The following KIF7 variants were observed in gnomAD, a reference collection of about 807,000 sequenced individuals.
KIF7 encodes kinesin family member 7.
In KIF7, 104 loss-of-function variants were observed where a neutral mutation model predicts 135.7. The ratio of observed to expected loss-of-function variants is 0.77; its 90% CI spans 0.65 to 0.90. The LOEUF (loss-of-function observed/expected upper bound fraction) is 0.90. Ranked by LOEUF, KIF7 falls within the 40% of genes least tolerant of loss-of-function variation. KIF7 has a pLI of 0.00. For missense variants in KIF7, 2,005 were observed against 1,839.1 expected (o/e 1.09, Z -1.65); for synonymous variants, 883 against 809.4 (o/e 1.09, Z -1.54).
chr15:89,635,262 C>T (rs1031901036), intron 11 of KIF7, among the ~76,000 whole-genome samples: 6 of 152,198 alleles, frequency 3.9e-5, no homozygotes, highest in Non-Finnish European at 2.9e-5. Flanking sequence ...CTCTAAAAAG[C>T]GGAGCGCCTC....
At chr15:89,662,661 G>T in the KIF7 span, among the ~76,000 whole-genome samples, 1 of 152,170 alleles carries the variant, frequency 6.6e-6, no homozygotes, top group Non-Finnish European at 1.5e-5. Context: ...TGGGCAACCC[G>T]ATGTGAAGTG....
chr15:89,653,533 C>T (rs996849285), intron 1 of KIF7, among the ~76,000 whole-genome samples: 1 of 152,152 alleles, frequency 6.6e-6, no homozygotes, highest in African/African-American at 2.4e-5. Context: ...CAGCCTTCCC[C>T]CTGGCATCAG....
chr15:89,624,996 G>A (rs529212373), downstream of KIF7: 145 of 1,613,978 alleles, frequency 9.0e-5, no homozygotes, highest in Admixed American at 1.2e-4. Context: ...ATGAGGTTGA[G>A]CTGGAGATGC....
At chr15:89,626,162 C>G, downstream of KIF7, 1 of 1,432,150 alleles carries the variant, frequency 7.0e-7, no homozygotes, top group Non-Finnish European at 9.5e-7. Context: ...CAGGGAGTGC[C>G]AAGTGTGGGA....
Position 89,628,555 on chromosome 15 carries a change from G to A in KIF7, c.3896C>T (p.Ala1299Val). ...SPEELRQREA[A>V]EPLVGRVLPV... ...AAGCACCCGCCCCACCAGGGGCTCA[G>A]CCGCCTCCCGCTGCCTCAGTTCCTC... Residue 1299 changes from alanine to valine, a missense_variant, in exon 19 of 19, where the codon GCT becomes GTT. Transcript: ENST00000394412. The A allele has an allele frequency of 6.2e-7, 1 of 1,613,320 alleles. No homozygotes were observed. Among genetic ancestry groups the A allele is most frequent in the Non-Finnish European group, 8.5e-7 (1 of 1,179,960 alleles).
chr15:89,617,556 T>C (rs1963354522), intron 2 of KIF7, among the ~76,000 whole-genome samples: 2 of 152,158 alleles, frequency 1.3e-5, no homozygotes, highest in African/African-American at 4.8e-5. Flanking sequence ...GGAATCTCAC[T>C]CTGTCACTCA....
At chr15:89,625,725 G>T, downstream of KIF7, 1 of 1,613,308 alleles carries the variant, frequency 6.2e-7, no homozygotes, top group Non-Finnish European at 8.5e-7. Flanking sequence ...GTAAAGAGGG[G>T]TCTCCAAGTT....
At position 89,648,614 on chromosome 15, in the gene KIF7, C is replaced by G. The variant is rs752296699; in HGVS notation, c.1084G>C (p.Glu362Gln). ...RATVNWRPEAERPPEETASGA... is the reference protein window; with the variant it reads ...RATVNWRPEAQRPPEETASGA... ...CTCGCCGTCTCTTCGGGTGGCCGCT[C>G]GGCCTCGGGCCGCCAGTTGACCGTG... Residue 362 changes from glutamate to glutamine, a missense_variant, in exon 5 of 19, where the codon GAG becomes CAG. Coordinates refer to ENST00000394412, the MANE Select transcript of KIF7 (RefSeq NM_198525.3). 3 of 1,533,378 alleles carry G rather than the reference C, an allele frequency of 2.0e-6. No individual in the cohort carries two copies. Among genetic ancestry groups the G allele is most frequent in the Non-Finnish European group, 2.6e-6 (3 of 1,145,096 alleles). 95.0% of individuals were successfully genotyped at this position (1,533,378 alleles called of 1,614,324 possible). A position where few individuals can be genotyped will look rare whatever the true frequency, so the allele number is the denominator to read the frequency against.
chr15:89,627,316 T>C (rs1256408088), downstream of KIF7: 1 of 515,466 alleles, frequency 1.9e-6, no homozygotes, highest in Non-Finnish European at 3.4e-6. Flanking sequence ...ATTGGTGCTA[T>C]AACTCAGGCA....
At chr15:89,655,331 G>A (rs1159636994) in intron 1 of KIF7, 68 bp downstream of exon 1, 5 of 152,330 alleles carry the variant, frequency 3.3e-5, no homozygotes, top group African/African-American at 1.2e-4. Flanking sequence ...CCTGCGCGAG[G>A]AGGGAGCGCG....
intron 11 of KIF7, among the ~76,000 whole-genome samples, chr15:89,638,115 CA>C (rs1963847647): frequency 6.6e-6 from 1 of 151,112 alleles, no homozygotes; most frequent in South Asian, 2.1e-4. Flanking sequence ...CAAAATTCAA[CA>C]ACTCTCAATA....
At chr15:89,647,995 A>C (rs1180787505) in intron 5 of KIF7, among the ~76,000 whole-genome samples, 1 of 152,204 alleles carries the variant, frequency 6.6e-6, no homozygotes. Context: ...TGCTAGGCAC[A>C]TGTGACACCC....
chr15:89,629,663 GCCA>G (rs1162134964), intron 16 of KIF7, 90 bp from the exon 17 acceptor site: 16 of 1,541,030 alleles, frequency 1.0e-5, no homozygotes, highest in Non-Finnish European at 1.2e-5. Context: ...TGGCACACTT[GCCA>G]CCACGGCACT....
upstream of KIF7, among the ~76,000 whole-genome samples, chr15:89,660,052 G>C (rs1842458013): frequency 6.6e-6 from 1 of 152,128 alleles, no homozygotes; most frequent in Non-Finnish European, 1.5e-5. Flanking sequence ...CAAAAATTTA[G>C]CCTGGCGTGG....
At chr15:89,617,689 CTTTTTTTTTTTTT>C (rs35732953) in intron 2 of KIF7, among the ~76,000 whole-genome samples, 1 of 98,772 alleles carries the variant, frequency 1.0e-5, no homozygotes, top group African/African-American at 3.8e-5. Flanking sequence ...ACCCAGCTAT[CTTTTTTTTTTTTT>C]TTTTTTTTGA....
intron 11 of KIF7, among the ~76,000 whole-genome samples, chr15:89,636,390 G>C (rs1963808408): frequency 7.5e-6 from 1 of 133,132 alleles, no homozygotes; most frequent in East Asian, 2.1e-4. Context: ...TGGCAAATTG[G>C]ATAAAGAGTC....
chr15:89,637,476 G>A (rs1963833354), intron 11 of KIF7, among the ~76,000 whole-genome samples: 1 of 152,066 alleles, frequency 6.6e-6, no homozygotes, highest in South Asian at 2.1e-4. Context: ...AATAAAAAAT[G>A]ATAAAGGGGA....
chr15:89,633,992 G>A (rs1963746368), intron 11 of KIF7, 109 bp from the exon 12 acceptor site: 1 of 1,131,444 alleles, frequency 8.8e-7, no homozygotes, highest in Non-Finnish European at 1.3e-6. Flanking sequence ...GGGTAGGTGG[G>A]TGATAGACCA....
At position 89,629,003 on chromosome 15, in the gene KIF7, C is replaced by T. The variant is rs143316368; in HGVS notation, c.3637G>A (p.Gly1213Ser). Reference protein sequence around the residue: ...INQELKQKLGGVNAVGHSRGG... With the variant: ...INQELKQKLGSVNAVGHSRGG... ...CTGCTGTGGCCTACAGCGTTCACAC[C>T]GCCGAGCTTCTGTTTCAGTTCCTGG... Residue 1213 changes from glycine (G) to serine (S), a missense_variant, in exon 18 of 19, where the codon GGT becomes AGT. Gly to Ser is a moderately conservative substitution (Grantham distance 56, BLOSUM62 0). Transcript: ENST00000394412. 2.4e-4 allele frequency: 386 copies of T among 1,613,728 alleles called. 2 individuals carry two copies. Among genetic ancestry groups the T allele is most frequent in the East Asian group, 1.3e-3 (60 of 44,806 alleles).
Sources: allele counts gnomAD v4.1 joint callset (sites outside exome capture counted in the v4.1 genomes callset), GRCh38; gene constraint gnomAD v4.1.1; transcripts MANE v1.5; gene names NCBI Gene and HGNC (gene_info 2026-07-23, HGNC 2026-07-21).